The following USP9X variants were observed in gnomAD, a reference collection of about 807,000 sequenced individuals.
USP9X encodes ubiquitin carboxyl-terminal hydrolase 9X.
A neutral mutation model predicts 190.3 loss-of-function variants in USP9X; 7 were observed. The observed-to-expected ratio is 0.04, with a 90% CI of 0.02 to 0.07. The LOEUF (loss-of-function observed/expected upper bound fraction) is 0.07. USP9X is among the 10% of genes least tolerant of loss of function. The probability of loss-of-function intolerance (pLI) is 1.00; values close to 1 mark genes in which losing one functional copy is unlikely to be tolerated. For missense variants in USP9X, 1,010 were observed against 1,916.9 expected (o/e 0.53, Z 8.83); for synonymous variants, 645 against 659.5 (o/e 0.98, Z 0.34).
At chrX:41,149,454 A>G (rs2062501737) in intron 12 of USP9X, among the ~76,000 whole-genome samples, 2 of 110,680 alleles carry the variant, frequency 1.8e-5, no homozygotes, top group Admixed American at 9.7e-5. Context: ...ACTTTCATTT[A>G]TTGTTTGGGA....
rs749901340 is a variant in USP9X, at chrX:41,236,038, T to C, written c.*3514T>C. The C allele has an allele frequency of 3.5e-4, 39 of 111,619 alleles. No homozygotes were observed. Among genetic ancestry groups the C allele is most frequent in the African/African-American group, 1.2e-3 (36 of 30,674 alleles). 9.2% of individuals were successfully genotyped at this position (111,619 alleles called of 1,213,427 possible). A position where few individuals can be genotyped will look rare whatever the true frequency, so the allele number is the denominator to read the frequency against. ...TTTGGTGGATATATCCTGCCTTATT[T>C]AGGATTATAGCTGGATAAGAAAATT... is the stretch of plus-strand genomic sequence containing the variant. On this transcript the variant is annotated 3_prime_UTR_variant, in exon 45 of 45. Coordinates refer to ENST00000378308, the MANE Select transcript of USP9X (RefSeq NM_001039591.3).
chrX:41,209,590 G>C (rs777411541), intron 32 of USP9X, among the ~76,000 whole-genome samples: 76 of 111,703 alleles, frequency 6.8e-4, no homozygotes, highest in African/African-American at 2.4e-3. Flanking sequence ...TTTGAAATTA[G>C]TTGATTACAT....
intron 30 of USP9X, among the ~76,000 whole-genome samples, chrX:41,199,229 A>G (rs769784781): frequency 9.0e-6 from 1 of 111,443 alleles, no homozygotes; most frequent in South Asian, 3.8e-4. Context: ...AAATAAGACC[A>G]TTATAAGCAG....
Position 41,215,873 on chromosome X carries a change from T to C in USP9X, c.5332-26T>C, listed in dbSNP as rs1178938235. ...TTCCTGTGGATTTTAATAGAACATCTGGTAACTTTGTCTTGTTTATTTTAG... is the reference window on the plus strand; with the variant it reads ...TTCCTGTGGATTTTAATAGAACATCCGGTAACTTTGTCTTGTTTATTTTAG... On this transcript the variant is annotated intron_variant, in intron 34 of 44. Coordinates refer to ENST00000378308, the MANE Select transcript of USP9X (RefSeq NM_001039591.3). The C allele has an allele frequency of 3.4e-6, 4 of 1,172,444 alleles. No homozygotes were observed. In the African/African-American group the frequency reaches 5.4e-5, roughly 16 times the overall value.
intron 1 of USP9X, among the ~76,000 whole-genome samples, chrX:41,094,020 G>T (rs1416210717): frequency 1.8e-5 from 2 of 110,981 alleles, no homozygotes; most frequent in Non-Finnish European, 3.8e-5. Flanking sequence ...TTTAATTAGT[G>T]TGTATATTAT....
At position 41,229,097 on chromosome X, in the gene USP9X, T is replaced by A. The variant is rs1602058940; in HGVS notation, c.7062-156T>A. On this transcript the variant is annotated intron_variant, in intron 41 of 44. Transcript: ENST00000378308. The stretch of plus-strand genomic sequence containing the variant: ...CCAGCCCAGGCCGTCTCAAAAAAAA[T>A]AAATAAATAAAAAATAAAGGTTTAA... The A allele has an allele frequency of 1.0e-5, 4 of 386,608 alleles. No individual in the cohort carries two copies. In the East Asian group the frequency reaches 1.8e-4, roughly 18 times the overall value. The allele number at this position is 386,608 out of a possible 1,213,427, so 31.9% of individuals were successfully genotyped here.
chrX:41,208,015 CACAA>C (rs1180190456), intron 32 of USP9X, among the ~76,000 whole-genome samples: 1 of 109,906 alleles, frequency 9.1e-6, no homozygotes, highest in Non-Finnish European at 1.9e-5. Context: ...AACTGAAGAA[CACAA>C]ACAGAGGCTT....
At chrX:41,175,962 G>C (rs2064316852) in intron 21 of USP9X, among the ~76,000 whole-genome samples, 1 of 109,561 alleles carries the variant, frequency 9.1e-6, no homozygotes, top group Non-Finnish European at 1.9e-5. Context: ...CGCAATCTCG[G>C]CTTACTGCAA....
At chrX:41,212,521 GACAAA>G (rs1030778063) in intron 33 of USP9X, among the ~76,000 whole-genome samples, 40 of 105,035 alleles carry the variant, frequency 3.8e-4, no homozygotes, top group Non-Finnish European at 9.8e-5. Flanking sequence ...GAAAAACATT[GACAAA>G]ACAAATTGTT....
At chrX:41,205,552 A>G in intron 32 of USP9X, 59 bp downstream of exon 32, 2 of 1,031,244 alleles carry the variant, frequency 1.9e-6, no homozygotes, top group African/African-American at 1.9e-5. Flanking sequence ...TCAATACACT[A>G]ACATTAAACC....
chrX:41,097,156 C>G (rs1336582221), intron 1 of USP9X, among the ~76,000 whole-genome samples: 1 of 111,864 alleles, frequency 8.9e-6, no homozygotes, highest in Non-Finnish European at 1.9e-5. Flanking sequence ...GGTATAATTT[C>G]TTTGTTGGCA....
intron 24 of USP9X, 84 bp downstream of exon 24, chrX:41,186,726 T>A: frequency 9.6e-7 from 1 of 1,039,183 alleles, no homozygotes; most frequent in Non-Finnish European, 1.3e-6. Flanking sequence ...ATAGATAATG[T>A]CCCCTTAATA....
chrX:41,125,682 A>ACTCTCTCTCTCTCT (rs1477045514), intron 2 of USP9X, among the ~76,000 whole-genome samples: 4 of 22,846 alleles, frequency 1.8e-4, no homozygotes, highest in South Asian at 2.1e-3. Flanking sequence ...ACACACACAC[A>ACTCTCTCTCTCTCT]CACTCTCTCT....
At chrX:41,232,297 GTA>G in intron 44 of USP9X, 88 bp from the exon 45 acceptor site, 2 of 988,017 alleles carry the variant, frequency 2.0e-6, no homozygotes, top group Admixed American at 6.0e-5. Flanking sequence ...AAGAATAAGA[GTA>G]TACATTTCCA....
Position 41,219,289 on chromosome X carries a change from C to T in USP9X, c.6565+58C>T, listed in dbSNP as rs371364678. 696 of 1,083,987 alleles carry T rather than the reference C, an allele frequency of 6.4e-4. 9 individuals are homozygous for T. In the South Asian group the frequency reaches 0.014, roughly 22 times the overall value. The allele number at this position is 1,083,987 out of a possible 1,213,427, so 89.3% of individuals were successfully genotyped here. On this transcript the variant is annotated intron_variant, in intron 38 of 44. Transcript: ENST00000378308. ...GATGTATCATATTAAATTGTGAAGT[C>T]ATTTAGGTCAAGTGATGAAATATAA...
At chrX:41,230,171 A>G (rs759335121) in intron 43 of USP9X, among the ~76,000 whole-genome samples, 22 of 111,866 alleles carry the variant, frequency 2.0e-4, no homozygotes, top group Admixed American at 9.5e-4. Flanking sequence ...AGTGGGCTCC[A>G]GCTTGGGTGA....
At chrX:41,173,880 T>C (rs754312619) in intron 21 of USP9X, among the ~76,000 whole-genome samples, 2 of 112,156 alleles carry the variant, frequency 1.8e-5, no homozygotes, top group South Asian at 3.7e-4. Flanking sequence ...GTATTAGGTG[T>C]TACCTAATAC....
chrX:41,215,148 A>G (rs767772917), intron 34 of USP9X, among the ~76,000 whole-genome samples: 97 of 112,700 alleles, frequency 8.6e-4, no homozygotes, highest in Non-Finnish European at 1.7e-3. Context: ...ACCACATAAG[A>G]TTTCTTTTAG....
Position 41,232,802 on chromosome X carries a change from A to T in USP9X, c.*278A>T. 1 of 165,955 alleles carries T rather than the reference A, an allele frequency of 6.0e-6. No homozygotes were observed. Among genetic ancestry groups the T allele is most frequent in the Non-Finnish European group, 1.2e-5 (1 of 86,745 alleles). 13.7% of individuals were successfully genotyped at this position (165,955 alleles called of 1,213,427 possible). ...AATGTTGACTGTTAATTCTTAAGCA[A>T]GAAACTTTTTTCTTGATGAGACTCA... On this transcript the variant is annotated 3_prime_UTR_variant, in exon 45 of 45. Transcript: ENST00000378308.
Sources: gnomAD v4.1 joint callset for allele counts (sites outside exome capture counted in the v4.1 genomes callset) on GRCh38, gnomAD v4.1.1 for gene constraint, MANE v1.5 for transcripts, NCBI Gene and HGNC (gene_info 2026-07-23, HGNC 2026-07-21) for gene names.